Variants in PFDN2 observed in about 807,000 individuals in gnomAD.
The protein encoded by PFDN2 is prefoldin 2.
Under a neutral mutation model 18.3 loss-of-function variants are expected in PFDN2, and 7 were observed. The observed-to-expected ratio is 0.38, with a 90% confidence interval of 0.22 to 0.72. The LOEUF (loss-of-function observed/expected upper bound fraction) is 0.72. PFDN2 is among the 30% of genes least tolerant of loss of function. The probability of loss-of-function intolerance (pLI) is 0.47; values close to 1 mark genes in which losing one functional copy is unlikely to be tolerated. For missense variants in PFDN2, 181 were observed against 199.1 expected (o/e 0.91, Z 0.55); for synonymous variants, 76 against 75.0 (o/e 1.01, Z -0.07).
In PFDN2 at chr1:161,117,983, C is replaced by G. The variant is rs750724780; in HGVS notation, c.44G>C (p.Gly15Ala). 20 of 1,612,748 alleles carry G rather than the reference C, an allele frequency of 1.2e-5. No individual in the cohort carries two copies. The South Asian group carries it at 1.3e-4, about 11-fold the overall frequency. ...SGRAGKSSGS[G>A]AGKGAVSAEQ... is the part of the protein sequence containing the mutation. Reference sequence around the variant, plus strand: ...TGCGGACACCGCCCCCTTCCCCGCGCCGCTCCCGCTGCTCTTGCCGGCGCG... The same window carrying G: ...TGCGGACACCGCCCCCTTCCCCGCGGCGCTCCCGCTGCTCTTGCCGGCGCG... Residue 15 changes from glycine (G) to alanine (A), a missense_variant, in exon 1 of 4, where the codon GGC becomes GCC. Gly to Ala is a moderately conservative substitution (Grantham distance 60). Transcript: ENST00000368010.
intron 3 of PFDN2, among the ~76,000 whole-genome samples, chr1:161,101,607 T>C (rs1654562705): frequency 6.6e-6 from 1 of 152,224 alleles, no homozygotes; most frequent in South Asian, 2.1e-4. Context: ...GATTCATGTA[T>C]TCGTGAAACA....
intron 1 of PFDN2, among the ~76,000 whole-genome samples, chr1:161,115,805 C>T (rs980520945): frequency 3.3e-5 from 5 of 152,132 alleles, no homozygotes; most frequent in Non-Finnish European, 4.4e-5. Flanking sequence ...ACATAGAGTT[C>T]AATACTATCC....
At chr1:161,112,958 G>A (rs1654838614) in intron 1 of PFDN2, among the ~76,000 whole-genome samples, 1 of 151,070 alleles carries the variant, frequency 6.6e-6, no homozygotes, top group South Asian at 2.1e-4. Context: ...AAAGACAAAG[G>A]AGGGGGGAAA....
At chr1:161,117,138 C>G (rs1654965214) in intron 1 of PFDN2, among the ~76,000 whole-genome samples, 1 of 152,056 alleles carries the variant, frequency 6.6e-6, no homozygotes, top group Admixed American at 6.5e-5. Flanking sequence ...GAGGCTGAGG[C>G]AGAAGAATAG....
At chr1:161,116,472 C>T (rs1269128095) in intron 1 of PFDN2, among the ~76,000 whole-genome samples, 2 of 151,970 alleles carry the variant, frequency 1.3e-5, no homozygotes, top group African/African-American at 2.4e-5. Flanking sequence ...CGAGATCACG[C>T]CACTGCACTC....
chr1:161,103,041 G>A (rs895533860), intron 1 of PFDN2, among the ~76,000 whole-genome samples: 1 of 152,056 alleles, frequency 6.6e-6, no homozygotes, highest in South Asian at 2.1e-4. Context: ...CTGTCAGGAA[G>A]GGCTTTGTAA....
intron 1 of PFDN2, among the ~76,000 whole-genome samples, chr1:161,110,933 A>T (rs1020449915): frequency 7.1e-6 from 1 of 141,468 alleles, no homozygotes; most frequent in African/African-American, 2.6e-5. Context: ...TGCACCTCCC[A>T]GGTTCAAGCA....
intron 1 of PFDN2, among the ~76,000 whole-genome samples, chr1:161,117,192 C>G (rs1654971542): frequency 6.6e-6 from 1 of 152,176 alleles, no homozygotes; most frequent in Non-Finnish European, 1.5e-5. Context: ...CGAGATCGCG[C>G]CACTGCATGC....
chr1:161,107,046 G>A (rs1267511426), intron 1 of PFDN2, among the ~76,000 whole-genome samples: 2 of 152,234 alleles, frequency 1.3e-5, no homozygotes, highest in African/African-American at 2.4e-5. Flanking sequence ...CTGGGCTCAA[G>A]TGATCCTCCC....
chr1:161,110,692 C>T (rs879609306), intron 1 of PFDN2, among the ~76,000 whole-genome samples: 1 of 152,004 alleles, frequency 6.6e-6, no homozygotes, highest in Admixed American at 6.6e-5. Context: ...GATACTGCTC[C>T]ACTAATTACC....
intron 1 of PFDN2, among the ~76,000 whole-genome samples, chr1:161,105,780 CTTT>C (rs959650881): frequency 6.6e-6 from 1 of 152,006 alleles, no homozygotes; most frequent in African/African-American, 2.4e-5. Flanking sequence ...TTAATTCCAA[CTTT>C]TCTTCAACAT....
intron 3 of PFDN2, 48 bp from the exon 4 acceptor site, chr1:161,100,907 C>G: frequency 7.1e-7 from 1 of 1,417,278 alleles, no homozygotes; most frequent in Non-Finnish European, 9.9e-7. Context: ...GGACTCCTTT[C>G]CCCCACCTGG....
Position 161,109,044 on chromosome 1 carries a change from T to C in PFDN2, c.76-6669A>G, listed in dbSNP as rs142625588. On this transcript the variant is annotated intron_variant, in intron 1 of 3. Transcript: ENST00000368010. ...ATTCCTTTGCCTAAAACCTTCTCAA[T>C]GCTCACAGGATAAAATCTGAACTCC... Among the ~76,000 whole-genome samples the C allele has an allele frequency of 1.5e-3, 224 of 152,278 alleles. 1 individual carries two copies. Among genetic ancestry groups the C allele is most frequent in the African/African-American group, 5.2e-3 (216 of 41,542 alleles).
At chr1:161,100,988 T>A in intron 3 of PFDN2, 129 bp from the exon 4 acceptor site, 1 of 624,086 alleles carries the variant, frequency 1.6e-6, no homozygotes, top group Non-Finnish European at 2.8e-6. Context: ...AGCCCAGACA[T>A]TAAAATTATT....
At chr1:161,109,354 A>G (rs1654750504) in intron 1 of PFDN2, among the ~76,000 whole-genome samples, 1 of 152,214 alleles carries the variant, frequency 6.6e-6, no homozygotes, top group Non-Finnish European at 1.5e-5. Flanking sequence ...TTAACCCTTT[A>G]TATGTGCTCA....
intron 1 of PFDN2, among the ~76,000 whole-genome samples, chr1:161,106,868 C>G (rs1654687264): frequency 6.6e-6 from 1 of 152,196 alleles, no homozygotes; most frequent in Non-Finnish European, 1.5e-5. Context: ...TGCAGTGACA[C>G]AATCATGGCT....
chr1:161,108,592 C>T (rs893123386), intron 1 of PFDN2, among the ~76,000 whole-genome samples: 1 of 151,232 alleles, frequency 6.6e-6, no homozygotes, highest in Non-Finnish European at 1.5e-5. Flanking sequence ...ACAAAAAAAA[C>T]CTCTGGACAA....
chr1:161,102,188 A>G lies in PFDN2; in HGVS notation c.165-17T>C. ...ATCACTAGGCTGGGATAGGAGAACA[A>G]GGCAGGACCTGAGGATTCAGCCCCA... On this transcript the variant is annotated splice_polypyrimidine_tract_variant and intron_variant, in intron 2 of 3. Coordinates refer to ENST00000368010, the MANE Select transcript of PFDN2 (RefSeq NM_012394.4). The G allele has an allele frequency of 6.2e-7, 1 of 1,614,154 alleles. No individual in the cohort carries two copies.
At chr1:161,101,946 T>C in intron 3 of PFDN2, 102 bp downstream of exon 3, 1 of 1,151,864 alleles carries the variant, frequency 8.7e-7, no homozygotes, top group East Asian at 2.5e-5. Context: ...TTGCCCAGGC[T>C]GGTCTCGAAC....
Sources: gnomAD v4.1 joint callset for allele counts (sites outside exome capture counted in the v4.1 genomes callset) on GRCh38, gnomAD v4.1.1 for gene constraint, MANE v1.5 for transcripts, NCBI Gene and HGNC (gene_info 2026-07-23, HGNC 2026-07-21) for gene names.